Variants in CNTNAP5 observed in about 807,000 individuals in gnomAD.
CNTNAP5 encodes contactin associated protein family member 5, also known as contactin-associated protein-like 5.
CNTNAP5 carries 72 observed loss-of-function variants against 150.2 expected under a neutral mutation model. The ratio of observed to expected loss-of-function variants is 0.48; its 90% confidence interval spans 0.40 to 0.58. CNTNAP5 has a LOEUF of 0.58. Ranked by LOEUF, CNTNAP5 falls within the 20% of genes least tolerant of loss-of-function variation. The pLI, the probability that CNTNAP5 is intolerant of heterozygous loss-of-function variation, is 0.00. For missense variants in CNTNAP5, 1,636 were observed against 1,626.2 expected (o/e 1.01, Z -0.10); for synonymous variants, 672 against 619.8 (o/e 1.08, Z -1.25).
chr2:124,776,346 T>G (rs754869177), intron 17 of CNTNAP5, among the ~76,000 whole-genome samples: 17 of 152,058 alleles, frequency 1.1e-4, no homozygotes, highest in Non-Finnish European at 1.8e-4. Flanking sequence ...TACTCCAAAC[T>G]TACAATCCCC....
At chr2:124,116,705 A>G (rs1438173296) in intron 1 of CNTNAP5, among the ~76,000 whole-genome samples, 3 of 152,184 alleles carry the variant, frequency 2.0e-5, no homozygotes, top group Non-Finnish European at 2.9e-5. Context: ...AAAATTTTGT[A>G]TTTGTCTATT....
intron 19 of CNTNAP5, among the ~76,000 whole-genome samples, chr2:124,810,538 A>G (rs1682192908): frequency 6.6e-6 from 1 of 152,166 alleles, no homozygotes; most frequent in Non-Finnish European, 1.5e-5. Context: ...GCCTAGTCCA[A>G]CCTGGGAGAG....
At chr2:124,642,887 T>G (rs1195783421) in intron 12 of CNTNAP5, among the ~76,000 whole-genome samples, 1 of 152,176 alleles carries the variant, frequency 6.6e-6, no homozygotes, top group African/African-American at 2.4e-5. Flanking sequence ...AAAATCACAA[T>G]GCAACTTGGG....
At chr2:124,452,790 T>C (rs1481279589) in intron 6 of CNTNAP5, among the ~76,000 whole-genome samples, 1 of 152,024 alleles carries the variant, frequency 6.6e-6, no homozygotes, top group Non-Finnish European at 1.5e-5. Context: ...TCACTACAGC[T>C]TGGCTCTCAG....
chr2:124,585,854 T>C (rs1384272249), intron 11 of CNTNAP5, among the ~76,000 whole-genome samples: 1 of 151,998 alleles, frequency 6.6e-6, no homozygotes, highest in Admixed American at 6.6e-5. Context: ...AGCCAGGATT[T>C]TAATTAAAAC....
intron 3 of CNTNAP5, among the ~76,000 whole-genome samples, chr2:124,415,181 T>C (rs567574115): frequency 2.0e-5 from 3 of 152,162 alleles, no homozygotes; most frequent in Non-Finnish European, 4.4e-5. Flanking sequence ...AAAGCCATTC[T>C]CCATCTGGAT....
At chr2:124,751,190 TAAAC>T (rs746040865) in intron 14 of CNTNAP5, among the ~76,000 whole-genome samples, 17 of 141,892 alleles carry the variant, frequency 1.2e-4, no homozygotes, top group Non-Finnish European at 2.3e-4. Context: ...GTTAAATAAA[TAAAC>T]AAACTGGTGT....
chr2:124,694,994 T>TGTGTGTGTGTGTG (rs1679376016), intron 13 of CNTNAP5, among the ~76,000 whole-genome samples: 1 of 150,206 alleles, frequency 6.7e-6, no homozygotes, highest in Non-Finnish European at 1.5e-5. Flanking sequence ...ATTTCCTAAA[T>TGTGTGTGTGTGTG]TGTGTGTGTG....
chr2:124,035,212 G>C, intron 1 of CNTNAP5, among the ~76,000 whole-genome samples: 1 of 152,124 alleles, frequency 6.6e-6, no homozygotes, highest in Non-Finnish European at 1.5e-5. Context: ...TCATAGCACT[G>C]TGACTCACCC....
At chr2:124,861,565 G>A (rs1011993847) in intron 19 of CNTNAP5, among the ~76,000 whole-genome samples, 3 of 151,934 alleles carry the variant, frequency 2.0e-5, no homozygotes, top group Admixed American at 6.6e-5. Context: ...TCCAGCCAGG[G>A]TGGCAGAGTG....
intron 8 of CNTNAP5, among the ~76,000 whole-genome samples, chr2:124,522,415 G>A (rs912022960): frequency 6.6e-6 from 1 of 152,136 alleles, no homozygotes; most frequent in African/African-American, 2.4e-5. Context: ...TGTGAGTTCT[G>A]CCTCTAGCCT....
intron 12 of CNTNAP5, among the ~76,000 whole-genome samples, chr2:124,621,759 C>T (rs1048000739): frequency 1.3e-5 from 2 of 152,236 alleles, no homozygotes; most frequent in African/African-American, 2.4e-5. Flanking sequence ...GAGAATGATC[C>T]ATGACATAAA....
At chr2:124,057,241 T>G (rs61711181) in intron 1 of CNTNAP5, among the ~76,000 whole-genome samples, 1,541 of 151,680 alleles carry the variant, frequency 0.01, 30 homozygotes, top group African/African-American at 0.036. Context: ...CCTGACTCTT[T>G]CTTTCTCCTT....
At chr2:124,852,611 G>T (rs751093229) in intron 19 of CNTNAP5, among the ~76,000 whole-genome samples, 32 of 152,324 alleles carry the variant, frequency 2.1e-4, no homozygotes, top group African/African-American at 7.2e-4. Context: ...AGTGGCATCT[G>T]GTTTATAGTG....
chr2:124,330,496 T>A (rs182421872), intron 3 of CNTNAP5, among the ~76,000 whole-genome samples: 3 of 152,272 alleles, frequency 2.0e-5, no homozygotes, highest in Admixed American at 2.0e-4. Flanking sequence ...GCTGTTCTTG[T>A]GATAGTGTGT....
chr2:124,329,120 T>C (rs1205092734), intron 3 of CNTNAP5, among the ~76,000 whole-genome samples: 2 of 152,134 alleles, frequency 1.3e-5, no homozygotes, highest in African/African-American at 4.8e-5. Context: ...GAAAACTGAA[T>C]AGAACCAAAG....
chr2:124,343,014 C>T (rs968553662), intron 3 of CNTNAP5, among the ~76,000 whole-genome samples: 2 of 152,072 alleles, frequency 1.3e-5, no homozygotes, highest in African/African-American at 4.8e-5. Flanking sequence ...TATATACTTC[C>T]TTGAAGAAAC....
chr2:124,328,487 C>T (rs765677426), intron 3 of CNTNAP5, among the ~76,000 whole-genome samples: 2 of 152,122 alleles, frequency 1.3e-5, no homozygotes, highest in African/African-American at 4.8e-5. Flanking sequence ...TAAATTAGTT[C>T]CTTCTCCCTT....
chr2:124,507,148 G>A (rs116021371), intron 8 of CNTNAP5, among the ~76,000 whole-genome samples: 184 of 152,190 alleles, frequency 1.2e-3, no homozygotes, highest in African/African-American at 3.9e-3. Context: ...AAGAACTGGC[G>A]TTTAGAGCAT....
Sources: allele counts gnomAD v4.1 joint callset (sites outside exome capture counted in the v4.1 genomes callset), GRCh38; gene constraint gnomAD v4.1.1; transcripts MANE v1.5; gene names NCBI Gene and HGNC (gene_info 2026-07-23, HGNC 2026-07-21).